Variants in TMEM202 observed in about 807,000 individuals in gnomAD.
The protein encoded by TMEM202 is transmembrane protein 202.
A neutral mutation model predicts 26.1 loss-of-function variants in TMEM202; 25 were observed. The observed-to-expected ratio is 0.96, with a 90% confidence interval of 0.70 to 1.34. The LOEUF (loss-of-function observed/expected upper bound fraction) is 1.34, where lower values mean the gene tolerates loss of function less well. Among genes scored for constraint, TMEM202 ranks in the 40% most tolerant of loss-of-function variants. The pLI, the probability that TMEM202 is intolerant of heterozygous loss-of-function variation, is 0.00. For synonymous variants in TMEM202, 122 were observed against 119.0 expected (o/e 1.02, Z -0.16); for missense variants, 301 against 327.7 (o/e 0.92, Z 0.63).
chr15:72,407,033 G>A, intron 3 of TMEM202, 53 bp from the exon 4 acceptor site: 1 of 1,602,382 alleles, frequency 6.2e-7, no homozygotes, highest in Non-Finnish European at 8.5e-7. Context: ...GGGTGGCGGG[G>A]AAGACAGACT....
chr15:72,407,842 A>C lies in TMEM202; in HGVS notation c.771A>C (p.Glu257Asp), dbSNP rs370098117. 2 of 1,613,982 alleles carry C rather than the reference A, an allele frequency of 1.2e-6. No individual in the cohort carries two copies. The highest frequency in any genetic ancestry group is 1.3e-5 in the African/African-American group (1 of 74,906). ...AKDEGPRSEM[E>D]SLSVREKNLP... The stretch of plus-strand genomic sequence containing the variant: ...ATGAAGGGCCAAGGTCTGAGATGGA[A>C]TCTCTAAGTGTGAGAGAGAAAAATT... The change falls in exon 5 of 5, where the codon GAA becomes GAC. Residue 257 changes from glutamate to aspartate, a missense_variant. Coordinates refer to ENST00000341689, the MANE Select transcript of TMEM202 (RefSeq NM_001080462.3).
chr15:72,404,377 T>C (rs1482391502), intron 2 of TMEM202, among the ~76,000 whole-genome samples: 1 of 152,012 alleles, frequency 6.6e-6, no homozygotes, highest in Non-Finnish European at 1.5e-5. Flanking sequence ...ATCATGCTAC[T>C]GCACTCCAGC....
At chr15:72,404,410 G>A (rs551521056) in intron 2 of TMEM202, among the ~76,000 whole-genome samples, 9 of 152,014 alleles carry the variant, frequency 5.9e-5, no homozygotes, top group South Asian at 4.2e-4. Flanking sequence ...CTGAGACCCC[G>A]TCTCAAAGAA....
chr15:72,407,303 CACTG>C, intron 4 of TMEM202, 86 bp downstream of exon 4: 1 of 1,456,572 alleles, frequency 6.9e-7, no homozygotes, highest in Non-Finnish European at 9.4e-7. Context: ...GAAATAGAAG[CACTG>C]ACTGTTCCTT....
intron 2 of TMEM202, among the ~76,000 whole-genome samples, chr15:72,401,555 A>T (rs190873171): frequency 6.6e-6 from 1 of 152,236 alleles, no homozygotes; most frequent in East Asian, 1.9e-4. Flanking sequence ...AAAAGAAAAA[A>T]ATTAATACAT....
chr15:72,405,317 A>AT (rs1456520202), intron 2 of TMEM202, among the ~76,000 whole-genome samples: 1 of 152,196 alleles, frequency 6.6e-6, no homozygotes, highest in Non-Finnish European at 1.5e-5. Flanking sequence ...TACTGAAGAT[A>AT]TTCCTGGGTG....
chr15:72,406,219 G>T (rs2063570530), intron 2 of TMEM202, among the ~76,000 whole-genome samples: 1 of 152,036 alleles, frequency 6.6e-6, no homozygotes, highest in African/African-American at 2.4e-5. Context: ...AACAATGGTT[G>T]CCTCTAGGTA....
intron 2 of TMEM202, among the ~76,000 whole-genome samples, chr15:72,400,784 A>C (rs2063543752): frequency 6.6e-6 from 1 of 152,232 alleles, no homozygotes; most frequent in Non-Finnish European, 1.5e-5. Context: ...AAGGAATAAA[A>C]GAATGGCTAC....
chr15:72,403,161 G>A (rs1462525304), intron 2 of TMEM202, among the ~76,000 whole-genome samples: 1 of 152,112 alleles, frequency 6.6e-6, no homozygotes. Flanking sequence ...TCATTTCACT[G>A]AGATCTGAGG....
chr15:72,399,459 A>G (rs1383115472), intron 2 of TMEM202, among the ~76,000 whole-genome samples: 1 of 152,198 alleles, frequency 6.6e-6, no homozygotes, highest in Non-Finnish European at 1.5e-5. Context: ...ACTCATTTAC[A>G]AGGTGTTACT....
Position 72,398,339 on chromosome 15 carries a change from G to C in TMEM202, c.13G>C (p.Glu5Gln), listed in dbSNP as rs141553031. The C allele has an allele frequency of 1.9e-6, 3 of 1,613,168 alleles. No individual in the cohort carries two copies. In the South Asian group the frequency reaches 3.3e-5, roughly 18 times the overall value. The change falls in exon 1 of 5, where the codon GAA (glutamate) becomes CAA (glutamine). Residue 5 changes from glutamate (E) to glutamine (Q), a missense_variant. Glu to Gln is a conservative substitution (Grantham distance 29). Coordinates refer to ENST00000341689, the MANE Select transcript of TMEM202 (RefSeq NM_001080462.3). MERR[E>Q]HLTLTFHSPE... The stretch of plus-strand genomic sequence containing the variant: ...ACTAACTGCCAAGATGGAGCGAAGG[G>C]AACATTTAACCTTGACTTTCCACAG...
At chr15:72,398,497 T>C in intron 1 of TMEM202, 90 bp downstream of exon 1, 1 of 1,410,218 alleles carries the variant, frequency 7.1e-7, no homozygotes, top group African/African-American at 1.5e-5. Flanking sequence ...ACAGAAAAGA[T>C]CACCCTGAAA....
chr15:72,401,859 A>T (rs989610196), intron 2 of TMEM202, among the ~76,000 whole-genome samples: 2 of 152,230 alleles, frequency 1.3e-5, no homozygotes, highest in Non-Finnish European at 2.9e-5. Flanking sequence ...TTAATCTGCA[A>T]TACAGATCTC....
At chr15:72,400,473 T>TA (rs1215677172) in intron 2 of TMEM202, among the ~76,000 whole-genome samples, 1 of 152,236 alleles carries the variant, frequency 6.6e-6, no homozygotes, top group Admixed American at 6.5e-5. Flanking sequence ...TTTGAGTAAA[T>TA]AATTCCATTT....
rs193291584 is a variant in TMEM202, at chr15:72,407,566, T to C, written c.620-125T>C. 383 of 805,196 alleles carry C rather than the reference T, an allele frequency of 4.8e-4. 1 individual carries two copies. The African/African-American group carries it at 6.1e-3, about 13-fold the overall frequency. 49.9% of individuals were successfully genotyped at this position (805,196 alleles called of 1,614,324 possible). The stretch of plus-strand genomic sequence containing the variant: ...GCACAGGAGGGTAAAGTAACTCCAC[T>C]GGGGGAGAGAGGGGTTCACTGAAAA... On this transcript the variant is annotated intron_variant, in intron 4 of 4. Coordinates refer to ENST00000341689, the MANE Select transcript of TMEM202 (RefSeq NM_001080462.3).
intron 2 of TMEM202, among the ~76,000 whole-genome samples, chr15:72,403,246 C>A (rs1327549106): frequency 6.6e-6 from 1 of 152,076 alleles, no homozygotes; most frequent in South Asian, 2.1e-4. Flanking sequence ...TACATCTCAC[C>A]CAATGGTACT....
chr15:72,403,639 T>C (rs2063558894), intron 2 of TMEM202, among the ~76,000 whole-genome samples: 1 of 152,232 alleles, frequency 6.6e-6, no homozygotes. Context: ...GTAAAAACTG[T>C]TGTTTAAAAG....
Position 72,407,754 on chromosome 15 carries a change from T to C in TMEM202, c.683T>C (p.Val228Ala), listed in dbSNP as rs770950957. Residue 228 changes from valine (V) to alanine (A), a missense_variant, in exon 5 of 5, where the codon GTG becomes GCG. Transcript: ENST00000341689. ...CCTGCCTGTGATGAAAACGTCACTG[T>C]GATTCCAACAGAGAGATCAAGGCTG... ...RSPACDENVT[V>A]IPTERSRLGV... The C allele has an allele frequency of 6.2e-7, 1 of 1,614,030 alleles. No individual in the cohort carries two copies. Among genetic ancestry groups the C allele is most frequent in the Non-Finnish European group, 8.5e-7 (1 of 1,179,954 alleles).
At chr15:72,400,735 G>T (rs1432148910) in intron 2 of TMEM202, among the ~76,000 whole-genome samples, 1 of 151,586 alleles carries the variant, frequency 6.6e-6, no homozygotes, top group African/African-American at 2.4e-5. Context: ...AATTCAAGAT[G>T]AGTCCATAGA....
Sources: gnomAD v4.1 joint callset for allele counts (sites outside exome capture counted in the v4.1 genomes callset) on GRCh38, gnomAD v4.1.1 for gene constraint, MANE v1.5 for transcripts, NCBI Gene and HGNC (gene_info 2026-07-23, HGNC 2026-07-21) for gene names.